Variants in DMD observed in about 807,000 individuals in gnomAD.
DMD encodes dystrophin.
A neutral mutation model predicts 330.1 loss-of-function variants in DMD; 63 were observed. The ratio of observed to expected loss-of-function variants is 0.19; its 90% CI spans 0.16 to 0.24. The LOEUF (loss-of-function observed/expected upper bound fraction) is 0.24. Among genes scored for constraint, DMD ranks in the 10% least tolerant of loss-of-function variants. The probability of loss-of-function intolerance (pLI) is 1.00; values close to 1 mark genes in which losing one functional copy is unlikely to be tolerated. For missense variants in DMD, 3,344 were observed against 2,684.1 expected (o/e 1.25, Z -5.43); for synonymous variants, 1,223 against 959.8 (o/e 1.27, Z -5.07).
chrX:32,800,461 G>T (rs1228001904), intron 7 of DMD, among the ~76,000 whole-genome samples: 1 of 111,646 alleles, frequency 9.0e-6, no homozygotes, highest in Non-Finnish European at 1.9e-5. Flanking sequence ...TGTGTACTTG[G>T]TGGTTTCCCT....
intron 37 of DMD, among the ~76,000 whole-genome samples, chrX:32,360,373 T>A (rs1352254580): frequency 3.6e-5 from 4 of 112,087 alleles, no homozygotes; most frequent in Non-Finnish European, 7.5e-5. Context: ...TAATAGAGCA[T>A]AATTATCTCT....
chrX:32,302,853 T>G (rs1461690853), intron 42 of DMD, among the ~76,000 whole-genome samples: 1 of 111,141 alleles, frequency 9.0e-6, no homozygotes, highest in Non-Finnish European at 1.9e-5. Flanking sequence ...ATCACTGATT[T>G]AATTTCAACG....
intron 20 of DMD, among the ~76,000 whole-genome samples, chrX:32,487,392 T>C (rs2042588413): frequency 9.0e-6 from 1 of 111,474 alleles, no homozygotes; most frequent in Non-Finnish European, 1.9e-5. Context: ...CTATTTAATA[T>C]GTAACAACAG....
At chrX:32,012,113 A>G (rs1466999557) in intron 44 of DMD, among the ~76,000 whole-genome samples, 2 of 112,063 alleles carry the variant, frequency 1.8e-5, no homozygotes, top group African/African-American at 6.5e-5. Context: ...TTTTCCCTGA[A>G]ATATTGCAAT....
intron 52 of DMD, among the ~76,000 whole-genome samples, chrX:31,689,010 A>C (rs2082908018): frequency 8.9e-6 from 1 of 111,860 alleles, no homozygotes; most frequent in East Asian, 2.8e-4. Flanking sequence ...CACAGCCAAT[A>C]TCATACTGAA....
At chrX:32,333,151 G>A (rs1360891657) in intron 41 of DMD, among the ~76,000 whole-genome samples, 2 of 111,207 alleles carry the variant, frequency 1.8e-5, no homozygotes, top group African/African-American at 3.3e-5. Flanking sequence ...TTTCATACAC[G>A]GTAAATGTTT....
At chrX:31,286,341 C>T (rs1335258577) in intron 62 of DMD, among the ~76,000 whole-genome samples, 3 of 112,375 alleles carry the variant, frequency 2.7e-5, no homozygotes, top group African/African-American at 9.7e-5. Context: ...TATATTCTTA[C>T]TCACGAATCT....
In DMD at chrX:32,441,210, G is replaced by A. The variant is rs758317261; in HGVS notation, c.3891C>T (p.Gly1297=). 4.1e-6 allele frequency: 5 copies of A among 1,206,558 alleles called. No individual in the cohort carries two copies. In the Admixed American group the frequency reaches 6.6e-5, roughly 16 times the overall value. The change falls in exon 28 of 79, where the codon GGC becomes GGT. Residue 1297 remains glycine, a synonymous_variant. Transcript: ENST00000357033. ...FKLKTTENIP[G]GAEEISEVLD... ...GCACCTCAGAGATTTCCTCAGCTCC[G>A]CCAGGAATGTTTTCAGTGGTTTTAA...
intron 18 of DMD, chrX:32,517,676 T>A (rs1342805242): frequency 3.0e-6 from 1 of 336,795 alleles, no homozygotes; most frequent in Non-Finnish European, 5.1e-6. Flanking sequence ...TTGTGCAAGC[T>A]TGCTAAGGCC....
chrX:32,523,692 T>C (rs1468524273), intron 17 of DMD, among the ~76,000 whole-genome samples: 1 of 111,878 alleles, frequency 8.9e-6, no homozygotes, highest in Admixed American at 9.5e-5. Context: ...GGCTCCCATG[T>C]CACCTAAAAC....
At position 32,868,688 on chromosome X, in the gene DMD, C is replaced by T. The variant is rs1002589772; in HGVS notation, c.94-18868G>A. ...CTCTGACCCATCCCTCCTCACTGGG[C>T]AGGGCCTGCTTGCAGGAATTCCAGT... On this transcript the variant is annotated intron_variant, in intron 2 of 78. Coordinates refer to ENST00000357033, the MANE Select transcript of DMD (RefSeq NM_004006.3). Among the ~76,000 whole-genome samples, 11 of 112,648 alleles carry T rather than the reference C, an allele frequency of 9.8e-5. 1 individual carries two copies. In the South Asian group the frequency reaches 1.5e-3, roughly 15 times the overall value.
At chrX:33,046,502 T>G (rs1326806643) in intron 1 of DMD, among the ~76,000 whole-genome samples, 1 of 111,870 alleles carries the variant, frequency 8.9e-6, no homozygotes, top group Admixed American at 9.5e-5. Flanking sequence ...TCAAATCTTA[T>G]AACAACTATT....
chrX:33,272,922 A>C (rs2053182729), intron 1 of DMD, among the ~76,000 whole-genome samples: 1 of 112,067 alleles, frequency 8.9e-6, no homozygotes, highest in African/African-American at 3.2e-5. Flanking sequence ...TTAAAAAAAA[A>C]CAGTGGATTT....
At chrX:32,225,760 A>C (rs1334643130) in intron 43 of DMD, among the ~76,000 whole-genome samples, 2 of 109,147 alleles carry the variant, frequency 1.8e-5, no homozygotes, top group Non-Finnish European at 3.8e-5. Flanking sequence ...CGCCATGTGA[A>C]ATGCCTACAC....
intron 18 of DMD, chrX:32,516,727 T>G (rs2148795787): frequency 8.9e-6 from 1 of 111,821 alleles, no homozygotes; most frequent in African/African-American, 3.2e-5. Context: ...AATTTTCTAC[T>G]ACTAAGAGAA....
At chrX:32,151,765 T>A (rs889906117) in intron 44 of DMD, among the ~76,000 whole-genome samples, 1 of 112,129 alleles carries the variant, frequency 8.9e-6, no homozygotes, top group African/African-American at 3.2e-5. Flanking sequence ...GTTTTACTTA[T>A]CCTCATCTAT....
chrX:31,298,410 TACACACACACACAC>T (rs35043650), intron 62 of DMD, among the ~76,000 whole-genome samples: 1 of 97,860 alleles, frequency 1.0e-5, no homozygotes, highest in Non-Finnish European at 2.0e-5. Context: ...CACACACACA[TACACACACACACAC>T]ACACACATAC....
At chrX:33,130,743 G>C (rs968628233) in intron 1 of DMD, among the ~76,000 whole-genome samples, 1 of 110,237 alleles carries the variant, frequency 9.1e-6, no homozygotes, top group African/African-American at 3.3e-5. Context: ...TAGAGACGGG[G>C]TTTCTCCATG....
At chrX:32,772,277 G>C (rs904342835) in intron 7 of DMD, among the ~76,000 whole-genome samples, 1 of 112,456 alleles carries the variant, frequency 8.9e-6, no homozygotes, top group East Asian at 2.8e-4. Flanking sequence ...ATCTCCTTTG[G>C]AGGGCCTATT....
Sources: allele counts gnomAD v4.1 joint callset (sites outside exome capture counted in the v4.1 genomes callset), GRCh38; gene constraint gnomAD v4.1.1; transcripts MANE v1.5; gene names NCBI Gene and HGNC (gene_info 2026-07-23, HGNC 2026-07-21).